Variants in ADGRV1 observed in about 807,000 individuals in gnomAD.
The protein encoded by ADGRV1 is G-protein coupled receptor 98.
ADGRV1 carries 359 observed loss-of-function variants against 596.2 expected under a neutral mutation model. The observed-to-expected ratio is 0.60, with a 90% CI of 0.55 to 0.66. The LOEUF (loss-of-function observed/expected upper bound fraction) is 0.66. ADGRV1 is among the 30% of genes least tolerant of loss of function. ADGRV1 has a pLI of 0.00. For synonymous variants in ADGRV1, 2,681 were observed against 2,679.2 expected (o/e 1.00, Z -0.02); for missense variants, 7,274 against 7,575.6 (o/e 0.96, Z 1.48).
At position 90,720,088 on chromosome 5, in the gene ADGRV1, T is replaced by G; in HGVS notation, c.9488T>G (p.Met3163Arg). The G allele has an allele frequency of 6.2e-7, 1 of 1,613,778 alleles. No individual in the cohort carries two copies. The highest frequency in any genetic ancestry group is 8.5e-7 in the Non-Finnish European group (1 of 1,179,720). Residue 3163 changes from methionine to arginine, a missense_variant, in exon 44 of 90, where the codon ATG (methionine) becomes AGG (arginine). Around this residue, in one of 5 missense-constraint regions of ADGRV1, gnomAD observed 3,643 missense variants for 3,809.2 expected, o/e 0.96. Coordinates refer to ENST00000405460, the MANE Select transcript of ADGRV1 (RefSeq NM_032119.4). ...GCCATATTAGACACGGAACCAGAAA[T>G]GGATGAGTATTTTGTTTGCACCTTG... ...ISAILDTEPE[M>R]DEYFVCTLFN...
intron 1 of ADGRV1, among the ~76,000 whole-genome samples, chr5:90,585,759 C>T (rs1758677967): frequency 6.6e-6 from 1 of 152,186 alleles, no homozygotes; most frequent in South Asian, 2.1e-4. Context: ...GTTGATGGGT[C>T]CTGCAGTGAG....
chr5:90,751,844 AT>A (rs1227564671), intron 53 of ADGRV1, among the ~76,000 whole-genome samples: 3 of 152,176 alleles, frequency 2.0e-5, no homozygotes, highest in African/African-American at 7.2e-5. Flanking sequence ...TGCATTTAAT[AT>A]TTACTTTAGG....
intron 83 of ADGRV1, among the ~76,000 whole-genome samples, chr5:90,928,278 G>A (rs1379495570): frequency 2.0e-5 from 3 of 151,624 alleles, no homozygotes; most frequent in East Asian, 1.9e-4. Context: ...CCAATCAGAC[G>A]TAGATTTGGT....
At position 90,776,563 on chromosome 5, in the gene ADGRV1, A is replaced by C; in HGVS notation, c.12514A>C (p.Thr4172Pro). ...IGEPSAKYNG[T>P]AIISLVRGPG... is the part of the protein sequence containing the mutation. ...GGAACCCTCAGCAAAATATAATGGTACCGCTATTATCAGGTAAGGACTTCA... is the reference window on the plus strand; with the variant it reads ...GGAACCCTCAGCAAAATATAATGGTCCCGCTATTATCAGGTAAGGACTTCA... The change falls in exon 61 of 90, where the codon ACC becomes CCC. Residue 4172 changes from threonine to proline, a missense_variant. Physicochemically the swap from Thr to Pro is conservative, Grantham distance 38 (BLOSUM62 -1). Around this residue, in one of 5 missense-constraint regions of ADGRV1, gnomAD observed 3,643 missense variants for 3,809.2 expected, o/e 0.96. Transcript: ENST00000405460. The C allele has an allele frequency of 6.2e-7, 1 of 1,613,258 alleles. No individual in the cohort carries two copies. The highest frequency in any genetic ancestry group is 2.2e-5 in the East Asian group (1 of 44,854).
At position 90,638,121 on chromosome 5, in the gene ADGRV1, CTA is replaced by C. The variant is rs1321659802; in HGVS notation, c.2240+175_2240+176del. Reference sequence around the variant, plus strand: ...TATTTGTTGATGGCTTCTGATTAGACTATGAGTATAATTATATCTTTCAGTGA... The same window carrying C: ...TATTTGTTGATGGCTTCTGATTAGACTGAGTATAATTATATCTTTCAGTGA... On this transcript the variant is annotated intron_variant, in intron 11 of 89. Coordinates refer to ENST00000405460, the MANE Select transcript of ADGRV1 (RefSeq NM_032119.4). 4.6e-5 allele frequency among the ~76,000 whole-genome samples: 7 copies of C among 151,520 alleles called. No individual in the cohort carries two copies. The South Asian group carries it at 1.2e-3, about 27-fold the overall frequency.
chr5:90,862,247 A>T (rs778796231), intron 82 of ADGRV1, among the ~76,000 whole-genome samples: 10 of 152,162 alleles, frequency 6.6e-5, no homozygotes, highest in African/African-American at 9.7e-5. Context: ...TCCTTGCCTC[A>T]CATTGTCATC....
At chr5:90,977,540 T>C (rs1310517666) in intron 84 of ADGRV1, among the ~76,000 whole-genome samples, 1 of 152,232 alleles carries the variant, frequency 6.6e-6, no homozygotes, top group Non-Finnish European at 1.5e-5. Flanking sequence ...TTTACTCATA[T>C]GCTAATATGC....
chr5:90,947,559 G>A (rs751413500), intron 83 of ADGRV1, among the ~76,000 whole-genome samples: 5 of 152,052 alleles, frequency 3.3e-5, no homozygotes, highest in East Asian at 3.9e-4. Context: ...AAGTTGAAAC[G>A]AAAATACAGG....
At chr5:90,845,418 T>C in intron 78 of ADGRV1, among the ~76,000 whole-genome samples, 2 of 152,192 alleles carry the variant, frequency 1.3e-5, no homozygotes, top group Middle Eastern at 6.8e-3. Flanking sequence ...GAAACTTTGT[T>C]TTTTTTTAAT....
intron 87 of ADGRV1, among the ~76,000 whole-genome samples, chr5:91,137,989 CT>C (rs1200644852): frequency 2.0e-5 from 3 of 152,200 alleles, no homozygotes; most frequent in Admixed American, 1.3e-4. Flanking sequence ...ATGCTGGTCC[CT>C]TGGCAAGCAA....
intron 1 of ADGRV1, among the ~76,000 whole-genome samples, chr5:90,611,154 G>A (rs1472013608): frequency 6.6e-6 from 1 of 151,830 alleles, no homozygotes; most frequent in African/African-American, 2.4e-5. Context: ...ATATACAAAT[G>A]TTATGTTAAA....
chr5:90,787,695 C>A (rs1759619422), intron 67 of ADGRV1, among the ~76,000 whole-genome samples: 1 of 149,974 alleles, frequency 6.7e-6, no homozygotes, highest in Non-Finnish European at 1.5e-5. Context: ...CAGGTTCAAG[C>A]AATTCTCCTG....
At chr5:90,753,508 T>A in intron 53 of ADGRV1, 66 bp from the exon 54 acceptor site, 1 of 1,195,914 alleles carries the variant, frequency 8.4e-7, no homozygotes, top group South Asian at 1.5e-5. Context: ...AATCAATTTT[T>A]AAAATATTCT....
At chr5:90,608,142 TTAAGATATAAGGAA>T (rs1762326471) in intron 1 of ADGRV1, among the ~76,000 whole-genome samples, 1 of 151,940 alleles carries the variant, frequency 6.6e-6, no homozygotes, top group African/African-American at 2.4e-5. Context: ...GAATCGGTAA[TTAAGATATAAGGAA>T]TAAGATATAA....
chr5:90,978,612 G>T (rs986487451), intron 84 of ADGRV1, among the ~76,000 whole-genome samples: 2 of 152,016 alleles, frequency 1.3e-5, no homozygotes, highest in Admixed American at 1.3e-4. Context: ...AATAATAACT[G>T]GTTGAGGTGA....
chr5:90,928,864 G>A (rs911531936), intron 83 of ADGRV1, among the ~76,000 whole-genome samples: 9 of 148,408 alleles, frequency 6.1e-5, no homozygotes, highest in East Asian at 5.9e-4. Flanking sequence ...AGGACCCTCA[G>A]CTGCAGGTCT....
chr5:90,716,982 A>G lies in ADGRV1; in HGVS notation c.9447+253A>G, dbSNP rs1750198936. 4 of 262,128 alleles carry G rather than the reference A, an allele frequency of 1.5e-5. No homozygotes were observed. The South Asian group carries it at 4.2e-4, about 27-fold the overall frequency. The allele number at this position is 262,128 out of a possible 1,614,324, so 16.2% of individuals were successfully genotyped here. On this transcript the variant is annotated intron_variant, in intron 43 of 89. Coordinates refer to ENST00000405460, the MANE Select transcript of ADGRV1 (RefSeq NM_032119.4). ...TAATAAAGAAAATATATGTATGGCT[A>G]TTTTAAATTTTCAGCACATTTAAAT...
At chr5:90,655,510 A>G (rs1769276302) in intron 20 of ADGRV1, 1 of 152,138 alleles carries the variant, frequency 6.6e-6, no homozygotes, top group African/African-American at 2.4e-5. Context: ...ACTCTTATAC[A>G]TGTTTTTTGA....
At chr5:90,845,068 T>G (rs112516729) in intron 78 of ADGRV1, among the ~76,000 whole-genome samples, 344 of 152,338 alleles carry the variant, frequency 2.3e-3, no homozygotes, top group Non-Finnish European at 3.9e-3. Flanking sequence ...TCGAGGTAAT[T>G]TTGACTGACT....
Sources: gnomAD v4.1 joint callset for allele counts (sites outside exome capture counted in the v4.1 genomes callset) on GRCh38, gnomAD v4.1.1 for gene constraint, gnomAD v4.1.1 regional missense constraint, MANE v1.5 for transcripts, NCBI Gene and HGNC (gene_info 2026-07-23, HGNC 2026-07-21) for gene names.